Variants in RAB8B observed in about 807,000 individuals in gnomAD.
The protein encoded by RAB8B is RAB8B, member RAS oncogene family.
A neutral mutation model predicts 32.0 loss-of-function variants in RAB8B; 11 were observed. That is an observed-to-expected ratio of 0.34 (90% confidence interval 0.22 to 0.57). RAB8B has a LOEUF of 0.57. Among genes scored for constraint, RAB8B ranks in the 20% least tolerant of loss-of-function variants. The pLI, the probability that RAB8B is intolerant of heterozygous loss-of-function variation, is 0.86. For synonymous variants in RAB8B, 103 were observed against 89.6 expected (o/e 1.15, Z -0.85); for missense variants, 190 against 258.5 (o/e 0.73, Z 1.82).
chr15:63,203,958 C>T (rs1398099561), intron 1 of RAB8B, among the ~76,000 whole-genome samples: 1 of 151,998 alleles, frequency 6.6e-6, no homozygotes, highest in Non-Finnish European at 1.5e-5. Context: ...AGGTTTTTAA[C>T]CTGCGTGGTC....
intron 1 of RAB8B, among the ~76,000 whole-genome samples, chr15:63,202,261 G>C (rs2037659069): frequency 1.3e-5 from 2 of 148,336 alleles, no homozygotes; most frequent in Admixed American, 1.3e-4. Context: ...CAGGGCGACA[G>C]AGCGAGACTC....
At chr15:63,238,467 A>G (rs1263514563) in intron 1 of RAB8B, among the ~76,000 whole-genome samples, 4 of 152,048 alleles carry the variant, frequency 2.6e-5, no homozygotes, top group South Asian at 4.2e-4. Context: ...CTTATTTTCT[A>G]GTTCTTAGCT....
intron 2 of RAB8B, 141 bp from the exon 3 acceptor site, chr15:63,249,504 G>T (rs2038097446): frequency 1.5e-5 from 10 of 682,688 alleles, no homozygotes; most frequent in Non-Finnish European, 2.4e-5. Flanking sequence ...TGTGCAAAGG[G>T]CTCCCTCTGT....
chr15:63,223,541 T>G (rs1320203181), intron 1 of RAB8B, among the ~76,000 whole-genome samples: 1 of 152,262 alleles, frequency 6.6e-6, no homozygotes, highest in Non-Finnish European at 1.5e-5. Flanking sequence ...TATATAAGTT[T>G]GTAGCCTAGG....
intron 1 of RAB8B, among the ~76,000 whole-genome samples, chr15:63,240,990 C>T (rs1666567407): frequency 6.6e-6 from 1 of 152,060 alleles, no homozygotes; most frequent in Admixed American, 6.5e-5. Flanking sequence ...TTTAATAAGC[C>T]AGAATAAGGA....
At chr15:63,241,781 AGAG>A (rs2038034101) in intron 1 of RAB8B, among the ~76,000 whole-genome samples, 1 of 152,164 alleles carries the variant, frequency 6.6e-6, no homozygotes, top group African/African-American at 2.4e-5. Flanking sequence ...GGTAAAGGAT[AGAG>A]GAGGATTCCT....
At chr15:63,202,581 C>G (rs2037662290) in intron 1 of RAB8B, among the ~76,000 whole-genome samples, 1 of 152,228 alleles carries the variant, frequency 6.6e-6, no homozygotes, top group Non-Finnish European at 1.5e-5. Flanking sequence ...TATCAGAAAT[C>G]TCAGTGTTGT....
chr15:63,251,601 C>T (rs1321372874), intron 3 of RAB8B, among the ~76,000 whole-genome samples: 2 of 152,154 alleles, frequency 1.3e-5, no homozygotes, highest in African/African-American at 4.8e-5. Context: ...CTAGTCTTTC[C>T]TCACATTACT....
intron 1 of RAB8B, among the ~76,000 whole-genome samples, chr15:63,221,539 C>T (rs1055456877): frequency 3.9e-5 from 6 of 152,148 alleles, no homozygotes; most frequent in African/African-American, 1.4e-4. Context: ...CCTGGCTCCT[C>T]ACTTGCCAGC....
At chr15:63,226,451 T>A (rs944856681) in intron 1 of RAB8B, among the ~76,000 whole-genome samples, 1 of 152,172 alleles carries the variant, frequency 6.6e-6, no homozygotes, top group African/African-American at 2.4e-5. Flanking sequence ...GCCTTCAACT[T>A]TGAGTCCTGC....
intron 5 of RAB8B, among the ~76,000 whole-genome samples, chr15:63,258,620 C>G (rs1217161767): frequency 6.6e-6 from 1 of 152,138 alleles, no homozygotes; most frequent in South Asian, 2.1e-4. Flanking sequence ...AAAGTACACT[C>G]CACAGAGTGG....
At chr15:63,195,711 A>T (rs1288031613) in intron 1 of RAB8B, among the ~76,000 whole-genome samples, 1 of 152,238 alleles carries the variant, frequency 6.6e-6, no homozygotes, top group Non-Finnish European at 1.5e-5. Context: ...AGCTCTGGAC[A>T]TCAGCTCTCC....
At chr15:63,243,988 A>G (rs1030781132) in intron 1 of RAB8B, among the ~76,000 whole-genome samples, 1 of 152,150 alleles carries the variant, frequency 6.6e-6, no homozygotes, top group South Asian at 2.1e-4. Flanking sequence ...TCTCAAGATA[A>G]CTAACTCACT....
At chr15:63,242,533 C>T (rs1285591265) in intron 1 of RAB8B, among the ~76,000 whole-genome samples, 1 of 152,074 alleles carries the variant, frequency 6.6e-6, no homozygotes, top group Admixed American at 6.5e-5. Flanking sequence ...AAAAAATTAT[C>T]TGGGCGTGAT....
At chr15:63,260,556 A>C (rs1422053632) in intron 6 of RAB8B, among the ~76,000 whole-genome samples, 2 of 152,204 alleles carry the variant, frequency 1.3e-5, no homozygotes, top group Non-Finnish European at 2.9e-5. Context: ...AAGTCTTATG[A>C]GAATAGGTTT....
At chr15:63,204,085 GTTTT>G in intron 1 of RAB8B, among the ~76,000 whole-genome samples, 1 of 148,800 alleles carries the variant, frequency 6.7e-6, no homozygotes, top group Non-Finnish European at 1.5e-5. Flanking sequence ...AAGGTGAGGT[GTTTT>G]TTTTTTAATC....
At chr15:63,194,019 C>T (rs1314488318) in intron 1 of RAB8B, among the ~76,000 whole-genome samples, 1 of 152,058 alleles carries the variant, frequency 6.6e-6, no homozygotes, top group Non-Finnish European at 1.5e-5. Context: ...AAGAGATAAC[C>T]CAGCCCTGTC....
intron 1 of RAB8B, among the ~76,000 whole-genome samples, chr15:63,204,515 C>G (rs2037681421): frequency 6.6e-6 from 1 of 152,172 alleles, no homozygotes. Context: ...GTTCAATACC[C>G]TCTGTTAGGG....
At chr15:63,251,619 A>G (rs2038117160) in intron 3 of RAB8B, among the ~76,000 whole-genome samples, 1 of 152,226 alleles carries the variant, frequency 6.6e-6, no homozygotes, top group African/African-American at 2.4e-5. Context: ...ACTTCAGATA[A>G]TTAGAAATTG....
Sources: allele counts gnomAD v4.1 joint callset (sites outside exome capture counted in the v4.1 genomes callset), GRCh38; gene constraint gnomAD v4.1.1; transcripts MANE v1.5; gene names NCBI Gene and HGNC (gene_info 2026-07-23, HGNC 2026-07-21).